Variants in ZBTB7C observed in about 807,000 individuals in gnomAD.
ZBTB7C encodes the protein zinc finger and BTB domain-containing protein 7C.
In ZBTB7C, 8 loss-of-function variants were observed where a neutral mutation model predicts 25.7. That is an observed-to-expected ratio of 0.31 (90% CI 0.18 to 0.56). The LOEUF (loss-of-function observed/expected upper bound fraction) is 0.56. ZBTB7C is among the 20% of genes least tolerant of loss of function. The pLI is 0.91. For synonymous variants in ZBTB7C, 394 were observed against 369.0 expected (o/e 1.07, Z -0.78); for missense variants, 824 against 855.2 (o/e 0.96, Z 0.46).
chr18:48,127,324 G>A (rs1293802880), intron 3 of ZBTB7C, among the ~76,000 whole-genome samples: 2 of 152,164 alleles, frequency 1.3e-5, no homozygotes, highest in African/African-American at 4.8e-5. Flanking sequence ...GCCCTTGGTC[G>A]AGACCTCCTC....
intron 2 of ZBTB7C, among the ~76,000 whole-genome samples, chr18:48,277,837 CTT>C (rs11325746): frequency 1.4e-5 from 2 of 147,070 alleles, no homozygotes; most frequent in South Asian, 2.2e-4. Flanking sequence ...ACCACATGAG[CTT>C]TTTTTTTTTT....
chr18:48,260,484 T>C (rs934313713), intron 2 of ZBTB7C, among the ~76,000 whole-genome samples: 1 of 152,170 alleles, frequency 6.6e-6, no homozygotes, highest in African/African-American at 2.4e-5. Flanking sequence ...ACTTTAACCA[T>C]GTGCAATTTA....
intron 2 of ZBTB7C, among the ~76,000 whole-genome samples, chr18:48,208,838 T>C (rs545781496): frequency 4.6e-5 from 7 of 152,362 alleles, no homozygotes; most frequent in Non-Finnish European, 1.0e-4. Flanking sequence ...TGTTTGCTTT[T>C]AGCAATCCAG....
intron 2 of ZBTB7C, among the ~76,000 whole-genome samples, chr18:48,307,983 C>G (rs1295503438): frequency 6.6e-6 from 1 of 152,164 alleles, no homozygotes; most frequent in East Asian, 1.9e-4. Context: ...GTAGCAGGGA[C>G]TCCAACAATT....
At chr18:48,375,395 C>A (rs1019657129) in intron 1 of ZBTB7C, 15 of 152,296 alleles carry the variant, frequency 9.8e-5, no homozygotes, top group African/African-American at 3.6e-4. Context: ...CTGGGTGGGT[C>A]TCTCCCTCTC....
At chr18:48,031,191 A>T (rs528377239) in intron 4 of ZBTB7C, among the ~76,000 whole-genome samples, 115 of 152,286 alleles carry the variant, frequency 7.6e-4, no homozygotes, top group African/African-American at 2.6e-3. Flanking sequence ...TGGCCACTAG[A>T]GGTCTCACCA....
chr18:48,210,544 T>C (rs78464731), intron 2 of ZBTB7C, among the ~76,000 whole-genome samples: 2 of 152,112 alleles, frequency 1.3e-5, no homozygotes, highest in Non-Finnish European at 2.9e-5. Flanking sequence ...TCATGCAAAG[T>C]GAAAGAAGCC....
chr18:48,297,451 C>A (rs1330173531), intron 2 of ZBTB7C, among the ~76,000 whole-genome samples: 1 of 152,150 alleles, frequency 6.6e-6, no homozygotes, highest in Non-Finnish European at 1.5e-5. Context: ...CATGCATCGG[C>A]TGTTCATTGC....
At position 48,279,022 on chromosome 18, in the gene ZBTB7C, A is replaced by T. The variant is rs959588848; in HGVS notation, c.-79+59152T>A. Among the ~76,000 whole-genome samples the T allele has an allele frequency of 2.0e-5, 3 of 151,752 alleles. No individual in the cohort carries two copies. In the South Asian group the frequency reaches 6.2e-4, roughly 32 times the overall value. Reference sequence around the variant, plus strand: ...TTAATTTGAGACAGACAAAGCCCTTAAACTGCCTGGCAGGGGAACTGGTAT... The same window carrying T: ...TTAATTTGAGACAGACAAAGCCCTTTAACTGCCTGGCAGGGGAACTGGTAT... On this transcript the variant is annotated intron_variant, in intron 2 of 4. Coordinates refer to ENST00000590800, the MANE Select transcript of ZBTB7C (RefSeq NM_001318841.2).
intron 1 of ZBTB7C, among the ~76,000 whole-genome samples, chr18:48,380,069 G>A (rs1489565288): frequency 6.6e-6 from 1 of 152,126 alleles, no homozygotes; most frequent in Admixed American, 6.5e-5. Context: ...TACGAAAATT[G>A]TTTTTAAATC....
intron 2 of ZBTB7C, among the ~76,000 whole-genome samples, chr18:48,247,045 T>C (rs1387890226): frequency 1.3e-5 from 2 of 152,234 alleles, no homozygotes; most frequent in African/African-American, 4.8e-5. Flanking sequence ...TCTATTAATA[T>C]GCTACACCAC....
In ZBTB7C at chr18:48,040,649, G is replaced by A. The variant is rs567201769; in HGVS notation, c.459C>T (p.Asp153=). ...DDDEDDDDEE[D]EEEEEEEEED... is the part of the protein sequence containing the mutation. ...CCTCCTCTTCCTCCTCCTCCTCTTC[G>A]TCCTCCTCATCATCATCATCTTCGT... is the stretch of plus-strand genomic sequence containing the variant. The change falls in exon 4 of 5, where the codon GAC becomes GAT. Residue 153 remains aspartate (D), a synonymous_variant. Coordinates refer to ENST00000590800, the MANE Select transcript of ZBTB7C (RefSeq NM_001318841.2). 56 of 1,612,660 alleles carry A rather than the reference G, an allele frequency of 3.5e-5. No homozygotes were observed. In the African/African-American group the frequency reaches 5.1e-4, roughly 15 times the overall value.
chr18:48,182,015 C>T (rs56324049), intron 3 of ZBTB7C, among the ~76,000 whole-genome samples: 7,167 of 152,248 alleles, frequency 0.047, 244 homozygotes, highest in Non-Finnish European at 0.071. Flanking sequence ...CTCTGTATTA[C>T]AGCACCCACC....
chr18:48,321,775 C>CTGCA (rs1312703362), intron 2 of ZBTB7C, among the ~76,000 whole-genome samples: 1 of 152,172 alleles, frequency 6.6e-6, no homozygotes, highest in Non-Finnish European at 1.5e-5. Context: ...TGAAGATGGG[C>CTGCA]TGCACGGTGC....
chr18:48,318,136 C>T (rs577275048), intron 2 of ZBTB7C, among the ~76,000 whole-genome samples: 1 of 152,228 alleles, frequency 6.6e-6, no homozygotes, highest in South Asian at 2.1e-4. Context: ...CCATGGAGGC[C>T]TAGCTGTTTG....
At chr18:48,141,796 C>T (rs1041069356) in intron 3 of ZBTB7C, among the ~76,000 whole-genome samples, 1 of 152,152 alleles carries the variant, frequency 6.6e-6, no homozygotes, top group African/African-American at 2.4e-5. Context: ...GGAGGAGGGA[C>T]ATGCCAAGCC....
At chr18:48,190,907 G>A (rs1473082707) in intron 2 of ZBTB7C, among the ~76,000 whole-genome samples, 3 of 152,116 alleles carry the variant, frequency 2.0e-5, no homozygotes, top group Admixed American at 1.3e-4. Flanking sequence ...ACCTTTCTTG[G>A]GCACAGCACT....
intron 3 of ZBTB7C, among the ~76,000 whole-genome samples, chr18:48,155,423 G>C (rs1157110304): frequency 6.9e-6 from 1 of 145,286 alleles, no homozygotes; most frequent in African/African-American, 2.6e-5. Flanking sequence ...CGCCCCCCGG[G>C]TTCACGCCAT....
rs1736582960 is a variant in ZBTB7C at position 48,057,510 on chromosome 18, G to A, written c.-16-16387C>T. ...AAAAGATGACCATGTGTACATACTG[G>A]TTTGTAGATGCATGAATTAAACTGT... is the stretch of plus-strand genomic sequence containing the variant. On this transcript the variant is annotated intron_variant, in intron 3 of 4. Transcript: ENST00000590800. 2.0e-5 allele frequency among the ~76,000 whole-genome samples: 3 copies of A among 152,210 alleles called. No individual in the cohort carries two copies. The South Asian group carries it at 6.2e-4, about 32-fold the overall frequency.
Sources: gnomAD v4.1 joint callset for allele counts (sites outside exome capture counted in the v4.1 genomes callset) on GRCh38, gnomAD v4.1.1 for gene constraint, MANE v1.5 for transcripts, NCBI Gene and HGNC (gene_info 2026-07-23, HGNC 2026-07-21) for gene names.